Variants in OCA2 observed in about 807,000 individuals in gnomAD.
OCA2 encodes OCA2 melanosomal transmembrane protein, also known as P protein.
A neutral mutation model predicts 100.2 loss-of-function variants in OCA2; 77 were observed. That is an observed-to-expected ratio of 0.77 (90% confidence interval 0.64 to 0.93). The LOEUF is 0.93. Ranked by LOEUF, OCA2 falls within the 40% of genes least tolerant of loss-of-function variation. OCA2 has a pLI of 0.00. For missense variants in OCA2, 1,062 were observed against 1,089.1 expected (o/e 0.98, Z 0.35); for synonymous variants, 432 against 439.2 (o/e 0.98, Z 0.21).
intron 2 of OCA2, among the ~76,000 whole-genome samples, chr15:28,077,248 G>A (rs1012761665): frequency 1.3e-5 from 2 of 151,934 alleles, no homozygotes; most frequent in East Asian, 1.9e-4. Context: ...TAGTAGAGAC[G>A]GGGTTTCTCC....
intron 19 of OCA2, among the ~76,000 whole-genome samples, chr15:27,920,909 A>G (rs2038833104): frequency 6.6e-6 from 1 of 152,084 alleles, no homozygotes; most frequent in African/African-American, 2.4e-5. Flanking sequence ...AGAATGAAGA[A>G]AAATGAATAA....
chr15:27,879,098 C>G (rs1328554133), intron 19 of OCA2, among the ~76,000 whole-genome samples: 2 of 152,160 alleles, frequency 1.3e-5, no homozygotes, highest in African/African-American at 2.4e-5. Flanking sequence ...TAAATGAGAA[C>G]ATGCAGAGCT....
chr15:27,949,953 G>C (rs2140589488), intron 18 of OCA2, among the ~76,000 whole-genome samples: 1 of 152,090 alleles, frequency 6.6e-6, no homozygotes, highest in East Asian at 1.9e-4. Context: ...AAACAAAACA[G>C]GATTTAAAAG....
intron 2 of OCA2, among the ~76,000 whole-genome samples, chr15:28,038,067 T>C (rs2043096762): frequency 6.6e-6 from 1 of 152,110 alleles, no homozygotes; most frequent in African/African-American, 2.4e-5. Flanking sequence ...TGTATCCCTA[T>C]GTACTCTTCT....
chr15:28,073,379 A>T (rs543480987), intron 2 of OCA2, among the ~76,000 whole-genome samples: 1 of 152,206 alleles, frequency 6.6e-6, no homozygotes, highest in Non-Finnish European at 1.5e-5. Flanking sequence ...GCACCACTGC[A>T]CTCCAACCTG....
At chr15:27,751,603 C>T (rs940037897), downstream of OCA2, among the ~76,000 whole-genome samples, 1 of 152,192 alleles carries the variant, frequency 6.6e-6, no homozygotes, top group Non-Finnish European at 1.5e-5. Flanking sequence ...TGAGGGGGAC[C>T]AGAGCAAGCA....
At chr15:27,782,380 A>C (rs888113709) in intron 23 of OCA2, among the ~76,000 whole-genome samples, 1 of 152,234 alleles carries the variant, frequency 6.6e-6, no homozygotes, top group African/African-American at 2.4e-5. Context: ...TCCCAACAGA[A>C]CTTCACTGAG....
intron 18 of OCA2, among the ~76,000 whole-genome samples, chr15:27,930,619 T>G (rs998041745): frequency 6.6e-6 from 1 of 151,770 alleles, no homozygotes; most frequent in Non-Finnish European, 1.5e-5. Flanking sequence ...GCCTCAAGTA[T>G]TTTCTATCTA....
At chr15:28,015,905 C>G (rs1009803988) in intron 8 of OCA2, among the ~76,000 whole-genome samples, 199 bp downstream of exon 8, 2 of 152,222 alleles carry the variant, frequency 1.3e-5, no homozygotes, top group Non-Finnish European at 2.9e-5. Flanking sequence ...GCAGTCGACC[C>G]TCTCACATCC....
At chr15:27,725,015 A>G in the OCA2 span, among the ~76,000 whole-genome samples, 2 of 152,104 alleles carry the variant, frequency 1.3e-5, no homozygotes, top group African/African-American at 2.4e-5. Context: ...CTTTCAGCCA[A>G]TTCAACTCTG....
chr15:27,926,207 T>C lies in OCA2; in HGVS notation c.1999A>G (p.Ile667Val), dbSNP rs779938295. ...GAIWLLILAD[I>V]HDFEIILHRV... ...TGTAGAATTATCTCAAAATCATGAA[T>C]ATCAGCTAAAATTAGCAACCAGATG... is the stretch of plus-strand genomic sequence containing the variant. The change falls in exon 19 of 24, where the codon ATT (isoleucine) becomes GTT (valine). Residue 667 changes from isoleucine to valine, a missense_variant. By Grantham distance (29) the Ile-to-Val change is conservative (BLOSUM62 3). Coordinates refer to ENST00000354638, the MANE Select transcript of OCA2 (RefSeq NM_000275.3). The C allele has an allele frequency of 1.2e-6, 2 of 1,614,098 alleles. No individual in the cohort carries two copies. The highest frequency in any genetic ancestry group is 1.7e-6 in the Non-Finnish European group (2 of 1,179,972).
chr15:27,754,627 G>T (rs550192441), downstream of OCA2, among the ~76,000 whole-genome samples: 1 of 152,186 alleles, frequency 6.6e-6, no homozygotes, highest in African/African-American at 2.4e-5. Context: ...GAGCCACAGC[G>T]TCCTGCAGGG....
chr15:28,015,846 G>T (rs1210726337), intron 8 of OCA2, among the ~76,000 whole-genome samples: 1 of 152,188 alleles, frequency 6.6e-6, no homozygotes, highest in Non-Finnish European at 1.5e-5. Flanking sequence ...TCACATTAAT[G>T]AAATTAGAAC....
chr15:27,983,430 A>C lies in OCA2; in HGVS notation c.1418T>G (p.Ile473Ser). Residue 473 changes from isoleucine (I) to serine (S), a missense_variant, in exon 14 of 24, where the codon ATC (isoleucine) becomes AGC (serine). Coordinates refer to ENST00000354638, the MANE Select transcript of OCA2 (RefSeq NM_000275.3). The stretch of plus-strand genomic sequence containing the variant: ...GGCAGCTCCTCCAATGTTTGTGAAG[A>C]TCACTTCTGCAATCAGGACTTGTCT... ...DPRQVLIAEV[I>S]FTNIGGAATA... 1 of 1,614,166 alleles carries C rather than the reference A, an allele frequency of 6.2e-7. No homozygotes were observed.
At chr15:27,770,742 T>TTTCC (rs1211748167) in intron 23 of OCA2, among the ~76,000 whole-genome samples, 16 of 74,802 alleles carry the variant, frequency 2.1e-4, no homozygotes, top group African/African-American at 4.8e-4. Flanking sequence ...CCCTTCCTCT[T>TTTCC]TTCCTTCCTT....
chr15:27,744,356 A>G, the OCA2 span, among the ~76,000 whole-genome samples: 1 of 152,204 alleles, frequency 6.6e-6, no homozygotes, highest in African/African-American at 2.4e-5. Context: ...CAATAAGGGC[A>G]GGCAGGGATG....
At chr15:27,836,069 C>A (rs748920836) in intron 23 of OCA2, among the ~76,000 whole-genome samples, 1 of 152,200 alleles carries the variant, frequency 6.6e-6, no homozygotes, top group Non-Finnish European at 1.5e-5. Flanking sequence ...CTTCAGGAGC[C>A]TCAGACAGCC....
chr15:28,008,433 C>T (rs2042147666), intron 9 of OCA2, among the ~76,000 whole-genome samples: 1 of 152,116 alleles, frequency 6.6e-6, no homozygotes, highest in Admixed American at 6.5e-5. Flanking sequence ...TTGTTTTTAC[C>T]TTTCTCAGCA....
the OCA2 span, among the ~76,000 whole-genome samples, chr15:27,728,343 GA>G: frequency 0.018 from 2,725 of 149,990 alleles, 31 homozygotes; most frequent in Non-Finnish European, 0.03. Flanking sequence ...TTTGAGGCAA[GA>G]AAAAAAAATC....
Sources: allele counts gnomAD v4.1 joint callset (sites outside exome capture counted in the v4.1 genomes callset), GRCh38; gene constraint gnomAD v4.1.1; transcripts MANE v1.5; gene names NCBI Gene and HGNC (gene_info 2026-07-23, HGNC 2026-07-21).